PNLIPRP3: variants seen among roughly 807,000 people sequenced by gnomAD.
The protein encoded by PNLIPRP3 is pancreatic lipase related protein 3.
PNLIPRP3 carries 58 observed loss-of-function variants against 52.8 expected under a neutral mutation model. That is an observed-to-expected ratio of 1.10 (90% confidence interval 0.89 to 1.37). The LOEUF is 1.37. PNLIPRP3 is among the 40% of genes most tolerant of loss of function. The probability of loss-of-function intolerance (pLI) is 0.00; values close to 1 mark genes in which losing one functional copy is unlikely to be tolerated. For synonymous variants in PNLIPRP3, 192 were observed against 185.0 expected (o/e 1.04, Z -0.31); for missense variants, 593 against 561.6 (o/e 1.06, Z -0.57).
intron 1 of PNLIPRP3, among the ~76,000 whole-genome samples, chr10:116,429,421 CAT>C (rs1404658595): frequency 1.1e-4 from 16 of 152,160 alleles, no homozygotes; most frequent in African/African-American, 3.9e-4. Context: ...GGATTTGGGA[CAT>C]ATTAGTAGTG....
Position 116,443,799 on chromosome 10 carries a change from GTGCATATATATATATA to G in PNLIPRP3, c.325-581_325-566del, listed in dbSNP as rs1258090961. Among the ~76,000 whole-genome samples, 46 of 7,708 alleles carry G rather than the reference GTGCATATATATATATA, an allele frequency of 6.0e-3. 1 individual carries two copies. The highest frequency in any genetic ancestry group is 7.5e-3 in the Admixed American group (2 of 266). 5.1% of individuals were successfully genotyped at this position (7,708 alleles called of 152,430 possible). A position where few individuals can be genotyped will look rare whatever the true frequency, so the allele number is the denominator to read the frequency against. On this transcript the variant is annotated intron_variant, in intron 3 of 11. Transcript: ENST00000369230. ...TGTGTGTGTGTGTATGTATGTGTGT[GTGCATATATATATATA>G]TATATATATATATATATATATATAT...
At chr10:116,475,863 C>A (rs1485637839) in intron 10 of PNLIPRP3, among the ~76,000 whole-genome samples, 2 of 152,118 alleles carry the variant, frequency 1.3e-5, no homozygotes, top group Admixed American at 1.3e-4. Flanking sequence ...GTAGCTTAAT[C>A]ATTTACTAAC....
chr10:116,443,194 CT>C lies in PNLIPRP3; in HGVS notation c.324+25del. Reference sequence around the variant, plus strand: ...TGCAATGTATGACATGAATAAGCTCCTTTTTACACTAGCATGCGAGCTTTAT... The same window carrying C: ...TGCAATGTATGACATGAATAAGCTCCTTTTACACTAGCATGCGAGCTTTAT... On this transcript the variant is annotated intron_variant, in intron 3 of 11. Coordinates refer to ENST00000369230, the MANE Select transcript of PNLIPRP3 (RefSeq NM_001011709.3). 1.3e-6 allele frequency: 2 copies of C among 1,597,722 alleles called. No homozygotes were observed. Among genetic ancestry groups the C allele is most frequent in the Non-Finnish European group, 1.7e-6 (2 of 1,170,906 alleles).
rs978652436 is a variant in PNLIPRP3 at position 116,476,744 on chromosome 10, A to C, written c.1265A>C (p.Lys422Thr). ...ACAAGTGTTCAGTTCATCTGGAAAA[A>C]ACATTTGTTTGAAGATTCTCAGAAT... ...NITSVQFIWK[K>T]HLFEDSQNKL... Residue 422 changes from lysine (K) to threonine (T), a missense_variant, in exon 11 of 12, where the codon AAA (lysine) becomes ACA (threonine). Lys to Thr is a moderately conservative substitution (Grantham distance 78, BLOSUM62 -1). Coordinates refer to ENST00000369230, the MANE Select transcript of PNLIPRP3 (RefSeq NM_001011709.3). The C allele has an allele frequency of 3.7e-6, 6 of 1,610,418 alleles. No homozygotes were observed. The highest frequency in any genetic ancestry group is 4.2e-6 in the Non-Finnish European group (5 of 1,178,248).
At chr10:116,438,740 C>T (rs574524604) in intron 2 of PNLIPRP3, among the ~76,000 whole-genome samples, 3 of 152,226 alleles carry the variant, frequency 2.0e-5, no homozygotes, top group African/African-American at 4.8e-5. Context: ...TTTCCACAGG[C>T]CTGACCCATA....
rs185649510 is a variant in PNLIPRP3 at position 116,443,859 on chromosome 10, G to A, written c.325-523G>A. Reference sequence around the variant, plus strand: ...TATATATATATGGGTTAGGACATACGTATATATATGGGTTAGGACAGAGCT... The same window carrying A: ...TATATATATATGGGTTAGGACATACATATATATATGGGTTAGGACAGAGCT... On this transcript the variant is annotated intron_variant, in intron 3 of 11. Transcript: ENST00000369230. 8.2e-3 allele frequency among the ~76,000 whole-genome samples: 1,082 copies of A among 131,222 alleles called. 23 individuals are homozygous for A. The highest frequency in any genetic ancestry group is 0.031 in the African/African-American group (1,027 of 32,634). 86.1% of individuals were successfully genotyped at this position (131,222 alleles called of 152,430 possible).
chr10:116,472,085 A>C (rs1404823450), intron 10 of PNLIPRP3, among the ~76,000 whole-genome samples: 1 of 152,206 alleles, frequency 6.6e-6, no homozygotes, highest in Non-Finnish European at 1.5e-5. Context: ...CCAACTAGAA[A>C]CAGAAAATGT....
At chr10:116,458,489 A>G (rs1267982734) in intron 5 of PNLIPRP3, among the ~76,000 whole-genome samples, 1 of 148,930 alleles carries the variant, frequency 6.7e-6, no homozygotes, top group African/African-American at 2.5e-5. Context: ...TTGTCCTCCA[A>G]TCAATAAGAT....
At chr10:116,429,524 G>A (rs1396376856) in intron 1 of PNLIPRP3, among the ~76,000 whole-genome samples, 1 of 152,174 alleles carries the variant, frequency 6.6e-6, no homozygotes, top group East Asian at 1.9e-4. Flanking sequence ...GCTAGCTTGT[G>A]GAATTGGCCA....
intron 10 of PNLIPRP3, among the ~76,000 whole-genome samples, chr10:116,476,289 A>T (rs996290420): frequency 6.6e-6 from 1 of 152,152 alleles, no homozygotes; most frequent in Non-Finnish European, 1.5e-5. Flanking sequence ...TTTGTAGATA[A>T]GTCTTGTGTA....
At chr10:116,463,291 G>C (rs1047431333) in intron 7 of PNLIPRP3, among the ~76,000 whole-genome samples, 8 of 152,192 alleles carry the variant, frequency 5.3e-5, no homozygotes, top group African/African-American at 1.9e-4. Context: ...GTGTGGTGTT[G>C]GCTGGAGCAA....
At chr10:116,443,297 G>A (rs1416802225) in intron 3 of PNLIPRP3, 123 bp downstream of exon 3, 16 of 1,042,204 alleles carry the variant, frequency 1.5e-5, no homozygotes, top group African/African-American at 9.9e-5. Context: ...ACAATTATCC[G>A]TGTTCTGGGG....
At chr10:116,473,699 T>C (rs1423608284) in intron 10 of PNLIPRP3, among the ~76,000 whole-genome samples, 4 of 152,004 alleles carry the variant, frequency 2.6e-5, no homozygotes, top group Non-Finnish European at 5.9e-5. Flanking sequence ...TTTTTGTATT[T>C]TTAGTAGAGA....
intron 4 of PNLIPRP3, among the ~76,000 whole-genome samples, chr10:116,455,404 G>T (rs962179635): frequency 1.3e-5 from 2 of 152,154 alleles, no homozygotes; most frequent in Non-Finnish European, 2.9e-5. Context: ...AAAGGATTTG[G>T]GCCTCAGGAA....
At position 116,427,959 on chromosome 10, in the gene PNLIPRP3, T is replaced by C; in HGVS notation, c.-54T>C. 1 of 1,390,292 alleles carries C rather than the reference T, an allele frequency of 7.2e-7. No individual in the cohort carries two copies. Among genetic ancestry groups the C allele is most frequent in the Non-Finnish European group, 1.0e-6 (1 of 980,012 alleles). 86.1% of individuals were successfully genotyped at this position (1,390,292 alleles called of 1,614,324 possible). A position where few individuals can be genotyped will look rare whatever the true frequency, so the allele number is the denominator to read the frequency against. ...CTTAGTATTTTATAGTGAGGTGACT[T>C]TACAAGTAAAGATCTTCAAGAAGAT... is the stretch of plus-strand genomic sequence containing the variant. On this transcript the variant is annotated 5_prime_UTR_variant, in exon 1 of 12. Transcript: ENST00000369230.
At chr10:116,438,900 T>C (rs1324397443) in intron 2 of PNLIPRP3, among the ~76,000 whole-genome samples, 1 of 152,206 alleles carries the variant, frequency 6.6e-6, no homozygotes, top group Non-Finnish European at 1.5e-5. Context: ...GGAATATTAC[T>C]TAGCTTTAAA....
At chr10:116,469,039 A>T (rs1846323900) in intron 8 of PNLIPRP3, 146 bp from the exon 9 acceptor site, 2 of 743,314 alleles carry the variant, frequency 2.7e-6, no homozygotes, top group Non-Finnish European at 3.9e-6. Flanking sequence ...TTGAAAACAG[A>T]CATGGTGGCC....
At chr10:116,469,410 G>A (rs1020852481) in intron 9 of PNLIPRP3, 93 bp downstream of exon 9, 36 of 1,272,428 alleles carry the variant, frequency 2.8e-5, no homozygotes, top group Non-Finnish European at 3.6e-5. Context: ...AAATAACTGG[G>A]CATTAGGCCA....
intron 8 of PNLIPRP3, among the ~76,000 whole-genome samples, chr10:116,468,579 C>T (rs892252047): frequency 9.8e-5 from 15 of 152,300 alleles, no homozygotes; most frequent in South Asian, 2.1e-4. Flanking sequence ...AAAATACTTC[C>T]GCCTTTATAA....
Sources: allele counts gnomAD v4.1 joint callset (sites outside exome capture counted in the v4.1 genomes callset), GRCh38; gene constraint gnomAD v4.1.1; transcripts MANE v1.5; gene names NCBI Gene and HGNC (gene_info 2026-07-23, HGNC 2026-07-21).